PKD1L3: variants seen among roughly 807,000 people sequenced by gnomAD.
PKD1L3 encodes polycystin 1 like 3, transient receptor potential channel interacting.
PKD1L3 carries 239 observed loss-of-function variants against 184.1 expected under a neutral mutation model. The observed-to-expected ratio is 1.30, with a 90% confidence interval of 1.17 to 1.45. The LOEUF (loss-of-function observed/expected upper bound fraction) is 1.45, where lower values mean the gene tolerates loss of function less well. Ranked by LOEUF, PKD1L3 falls within the 40% of genes most tolerant of loss-of-function variation. The pLI is 0.00. For missense variants in PKD1L3, 2,660 were observed against 2,067.2 expected, an observed-to-expected ratio of 1.29 and a Z score of -5.56; for synonymous variants, 996 against 778.8, an observed-to-expected ratio of 1.28 and a Z score of -4.64.
intron 15 of PKD1L3, 123 bp from the exon 16 acceptor site, chr16:71,963,474 G>T: frequency 2.8e-6 from 3 of 1,080,348 alleles, no homozygotes; most frequent in Non-Finnish European, 3.8e-6. Context: ...TGCAAGGCAA[G>T]AACTAAGGAA....
chr16:71,992,679 T>C (rs1469329920), intron 3 of PKD1L3, among the ~76,000 whole-genome samples: 1 of 152,216 alleles, frequency 6.6e-6, no homozygotes, highest in Non-Finnish European at 1.5e-5. Context: ...AAACCTTCTA[T>C]ATTGCTAAGT....
chr16:71,973,177 C>T (rs2039782643), intron 12 of PKD1L3, 147 bp downstream of exon 12: 4 of 969,010 alleles, frequency 4.1e-6, no homozygotes, highest in Non-Finnish European at 4.5e-6. Context: ...CACACACAAC[C>T]CTCCTCCCTC....
intron 15 of PKD1L3, among the ~76,000 whole-genome samples, chr16:71,965,622 C>A (rs534793876): frequency 6.6e-6 from 1 of 150,560 alleles, no homozygotes; most frequent in South Asian, 2.1e-4. Flanking sequence ...GGCACCATCT[C>A]TGCTCAACGC....
At chr16:71,978,495 G>A (rs1300677066) in intron 9 of PKD1L3, 112 bp from the exon 10 acceptor site, 6 of 145,754 alleles carry the variant, frequency 4.1e-5, no homozygotes, top group Admixed American at 1.0e-4. Context: ...GTGTGTGTGT[G>A]TATATATATA....
rs1597275311 is a variant in PKD1L3 at position 71,933,993 on chromosome 16, C to T, written c.4746G>A (p.Arg1582=). The change falls in exon 27 of 30, where the codon AGG becomes AGA. Residue 1582 remains arginine, a synonymous_variant. Transcript: ENST00000620267. ...RHSPRLRVIS[R]TLSRAWDEVV... is the part of the protein sequence containing the mutation. ...CCTCGTCCCAGGCTCGGCTCAGTGT[C>T]CTGCTGATGACCCGCAGCCTGGGGC... The T allele has an allele frequency of 6.4e-7, 1 of 1,551,644 alleles. No homozygotes were observed. Among genetic ancestry groups the T allele is most frequent in the Non-Finnish European group, 8.7e-7 (1 of 1,147,000 alleles).
intron 2 of PKD1L3, among the ~76,000 whole-genome samples, chr16:71,996,951 AT>A (rs35603184): frequency 0.39 from 49,985 of 129,210 alleles, 9,015 homozygotes; most frequent in African/African-American, 0.46. Flanking sequence ...AATTGCTTTG[AT>A]TTTTTTTTTT....
Position 71,973,506 on chromosome 16 carries a change from T to G in PKD1L3, c.1771A>C (p.Thr591Pro). Residue 591 changes from threonine to proline, a missense_variant, in exon 12 of 30, where the codon ACG (threonine) becomes CCG (proline). Thr to Pro is a conservative substitution (Grantham distance 38). Transcript: ENST00000620267. ...DKVWQKDEEY[T>P]WVLNPEHLQH... ...AGATGCTCTGGATTCAGCACCCACGTGTACTCCTCATCTTAGAACAAAGAA... is the reference window on the plus strand; with the variant it reads ...AGATGCTCTGGATTCAGCACCCACGGGTACTCCTCATCTTAGAACAAAGAA... The G allele has an allele frequency of 6.4e-7, 1 of 1,551,704 alleles. No individual in the cohort carries two copies. The highest frequency in any genetic ancestry group is 8.7e-7 in the Non-Finnish European group (1 of 1,146,998).
chr16:71,984,325 C>T (rs749247889), intron 5 of PKD1L3, among the ~76,000 whole-genome samples, 158 bp from the exon 6 acceptor site: 4 of 152,100 alleles, frequency 2.6e-5, no homozygotes, highest in African/African-American at 4.8e-5. Flanking sequence ...AGCTTTTCTG[C>T]GAGTGGACAG....
intron 2 of PKD1L3, among the ~76,000 whole-genome samples, chr16:71,995,015 T>TCAAC (rs1479584943): frequency 6.6e-6 from 1 of 152,148 alleles, no homozygotes; most frequent in Non-Finnish European, 1.5e-5. Flanking sequence ...TGACTTAAAT[T>TCAAC]TGTTTTATAA....
chr16:71,940,499 A>ATT (rs150640830), intron 24 of PKD1L3, among the ~76,000 whole-genome samples: 1 of 149,692 alleles, frequency 6.7e-6, no homozygotes, highest in Non-Finnish European at 1.5e-5. Context: ...TTTGTTTTTT[A>ATT]TTTTTTTTTT....
chr16:71,972,851 T>TAA (rs1262179539), intron 12 of PKD1L3, among the ~76,000 whole-genome samples: 2 of 152,136 alleles, frequency 1.3e-5, no homozygotes, highest in African/African-American at 4.8e-5. Flanking sequence ...TGTGCAAATA[T>TAA]AATAGTGCTG....
At chr16:71,976,197 C>T (rs968670362) in intron 11 of PKD1L3, among the ~76,000 whole-genome samples, 6 of 150,240 alleles carry the variant, frequency 4.0e-5, no homozygotes, top group Non-Finnish European at 4.4e-5. Flanking sequence ...ATCCACCTGC[C>T]TCTGCCTCCC....
intron 16 of PKD1L3, among the ~76,000 whole-genome samples, chr16:71,959,313 G>C (rs1256462704): frequency 6.6e-6 from 1 of 151,974 alleles, no homozygotes; most frequent in East Asian, 1.9e-4. Context: ...AGGAGGCTGA[G>C]GCAGGAGAAT....
intron 24 of PKD1L3, among the ~76,000 whole-genome samples, chr16:71,941,900 A>G (rs1035339696): frequency 1.1e-4 from 17 of 151,812 alleles, no homozygotes. Flanking sequence ...ACATTCTTTC[A>G]TAACTCAGAG....
intron 25 of PKD1L3, 33 bp from the exon 26 acceptor site, chr16:71,935,551 T>C: frequency 6.5e-7 from 1 of 1,544,306 alleles, no homozygotes; most frequent in African/African-American, 1.4e-5. Flanking sequence ...CTGTTGCTTG[T>C]CTGAGAGATT....
chr16:71,940,274 C>T (rs768350562), intron 24 of PKD1L3, among the ~76,000 whole-genome samples: 6 of 152,150 alleles, frequency 3.9e-5, no homozygotes, highest in Non-Finnish European at 8.8e-5. Flanking sequence ...GCACCAGCTA[C>T]CTCTGAGAGT....
chr16:71,996,375 C>G (rs1233871871), intron 2 of PKD1L3, among the ~76,000 whole-genome samples: 2 of 151,386 alleles, frequency 1.3e-5, no homozygotes, highest in African/African-American at 2.4e-5. Context: ...ATTCTCCTGC[C>G]TCAGCCTCCT....
intron 7 of PKD1L3, 117 bp downstream of exon 7, chr16:71,981,942 C>T (rs2040175194): frequency 2.6e-6 from 3 of 1,169,622 alleles, no homozygotes; most frequent in Non-Finnish European, 3.5e-6. Flanking sequence ...GTTTCTTCTG[C>T]AGCAGAAACT....
At chr16:71,948,803 T>TTAAAAAA (rs540911511) in intron 21 of PKD1L3, among the ~76,000 whole-genome samples, 8 of 81,206 alleles carry the variant, frequency 9.9e-5, no homozygotes, top group African/African-American at 3.7e-4. Flanking sequence ...TTACATATAG[T>TTAAAAAA]AAAAAAAAAA....
Sources: gnomAD v4.1 joint callset for allele counts (sites outside exome capture counted in the v4.1 genomes callset) on GRCh38, gnomAD v4.1.1 for gene constraint, MANE v1.5 for transcripts, NCBI Gene and HGNC (gene_info 2026-07-23, HGNC 2026-07-21) for gene names.